Variants in FAM120A observed in about 807,000 individuals in gnomAD.
FAM120A encodes the protein constitutive coactivator of PPAR-gamma-like protein 1.
A neutral mutation model predicts 109.7 loss-of-function variants in FAM120A; 15 were observed. That is an observed-to-expected ratio of 0.14 (90% CI 0.09 to 0.21). The LOEUF is 0.21. FAM120A is among the 10% of genes least tolerant of loss of function. FAM120A has a pLI of 1.00. For synonymous variants in FAM120A, 493 were observed against 572.8 expected (o/e 0.86, Z 1.99); for missense variants, 899 against 1,439.3 (o/e 0.62, Z 6.07).
chr9:93,457,802 C>CT (rs34188475), intron 1 of FAM120A, among the ~76,000 whole-genome samples: 8,835 of 146,046 alleles, frequency 0.06, 286 homozygotes, highest in Non-Finnish European at 0.076. Flanking sequence ...AAATCTCTTC[C>CT]TTTTTTTTTT....
intron 10 of FAM120A, among the ~76,000 whole-genome samples, chr9:93,538,315 A>G (rs3813388): frequency 0.28 from 42,422 of 151,986 alleles, 6,983 homozygotes; most frequent in East Asian, 0.42. Flanking sequence ...GCCTGAGGAG[A>G]AGAACCCAAC....
At chr9:93,543,086 T>G in intron 10 of FAM120A, 136 bp from the exon 11 acceptor site, 1 of 1,081,988 alleles carries the variant, frequency 9.2e-7, no homozygotes, top group South Asian at 1.5e-5. Flanking sequence ...TGATTGGTAG[T>G]TTTGCTAAGG....
Position 93,470,144 on chromosome 9 carries a change from G to T in FAM120A, c.475-997G>T, listed in dbSNP as rs576622323. 8.5e-5 allele frequency among the ~76,000 whole-genome samples: 13 copies of T among 152,296 alleles called. No individual in the cohort carries two copies. In the South Asian group the frequency reaches 2.7e-3, roughly 32 times the overall value. On this transcript the variant is annotated intron_variant, in intron 1 of 17. Coordinates refer to ENST00000277165, the MANE Select transcript of FAM120A (RefSeq NM_014612.5). ...CATTTTTCTCCTCCAAGGCCCTGTGGAGAGTTAATACTCCATTGTTATTGG... is the reference window on the plus strand; with the variant it reads ...CATTTTTCTCCTCCAAGGCCCTGTGTAGAGTTAATACTCCATTGTTATTGG...
intron 3 of FAM120A, among the ~76,000 whole-genome samples, chr9:93,480,750 A>G (rs1397670160): frequency 6.6e-6 from 1 of 152,276 alleles, no homozygotes; most frequent in African/African-American, 2.4e-5. Context: ...AGGAAAATAC[A>G]TTGAATATCC....
chr9:93,499,525 C>G (rs996511399), intron 5 of FAM120A, among the ~76,000 whole-genome samples: 5 of 151,942 alleles, frequency 3.3e-5, no homozygotes, highest in African/African-American at 1.2e-4. Context: ...TAGCCTCAAG[C>G]GATCTGCCCA....
chr9:93,455,087 A>C (rs757070867), intron 1 of FAM120A, among the ~76,000 whole-genome samples: 1 of 152,246 alleles, frequency 6.6e-6, no homozygotes, highest in Non-Finnish European at 1.5e-5. Flanking sequence ...CTGGTACTCA[A>C]ATGTCCATAG....
In FAM120A at chr9:93,458,281, C is replaced by T. The variant is rs1376767235; in HGVS notation, c.474+5892C>T. Among the ~76,000 whole-genome samples the T allele has an allele frequency of 1.3e-3, 197 of 151,858 alleles. 1 individual carries two copies. The highest frequency in any genetic ancestry group is 1.8e-4 in the Non-Finnish European group (12 of 67,972). On this transcript the variant is annotated intron_variant, in intron 1 of 17. Coordinates refer to ENST00000277165, the MANE Select transcript of FAM120A (RefSeq NM_014612.5). ...TTTAACACTTCTGAACGCTGTGTCC[C>T]TGTCACTCCTTGCCGCTCCCACCGT...
intron 15 of FAM120A, among the ~76,000 whole-genome samples, chr9:93,560,902 C>G (rs1022714963): frequency 3.5e-4 from 54 of 152,360 alleles, no homozygotes; most frequent in African/African-American, 1.2e-3. Context: ...TAACCTAATT[C>G]AGTTCTCATG....
chr9:93,519,313 C>T (rs1222778578), intron 7 of FAM120A, among the ~76,000 whole-genome samples: 1 of 152,066 alleles, frequency 6.6e-6, no homozygotes, highest in African/African-American at 2.4e-5. Flanking sequence ...ATGATCTCGG[C>T]TAACTGCAAC....
At position 93,497,601 on chromosome 9, in the gene FAM120A, TAAA is replaced by T; in HGVS notation, c.933+11_933+13del. 1 of 1,317,142 alleles carries T rather than the reference TAAA, an allele frequency of 7.6e-7. No individual in the cohort carries two copies. The highest frequency in any genetic ancestry group is 2.3e-5 in the Admixed American group (1 of 44,380). 81.6% of individuals were successfully genotyped at this position (1,317,142 alleles called of 1,614,324 possible). On this transcript the variant is annotated splice_donor_5th_base_variant and intron_variant, in intron 4 of 17. Transcript: ENST00000277165. Reference sequence around the variant, plus strand: ...AAAGATGTTTTCCAGCATTCACAGGTAAAAAAAAAAACAAACAAAACAAAAAAA... The same window carrying T: ...AAAGATGTTTTCCAGCATTCACAGGTAAAAAAAACAAACAAAACAAAAAAA...
intron 5 of FAM120A, among the ~76,000 whole-genome samples, chr9:93,501,338 T>C (rs1859791363): frequency 6.6e-6 from 1 of 152,160 alleles, no homozygotes; most frequent in South Asian, 2.1e-4. Flanking sequence ...GCAAGGTGAG[T>C]TAAGTTTGAA....
At chr9:93,461,009 A>G (rs2131214614) in intron 1 of FAM120A, among the ~76,000 whole-genome samples, 1 of 152,282 alleles carries the variant, frequency 6.6e-6, no homozygotes, top group South Asian at 2.1e-4. Context: ...TGGCTTTATC[A>G]CACATTGTTT....
At chr9:93,471,686 A>G (rs998388182) in intron 2 of FAM120A, among the ~76,000 whole-genome samples, 1 of 152,250 alleles carries the variant, frequency 6.6e-6, no homozygotes, top group Non-Finnish European at 1.5e-5. Context: ...ACAGATGTCA[A>G]CACATGGTCA....
chr9:93,564,691 G>C lies in FAM120A; in HGVS notation c.*151G>C. On this transcript the variant is annotated 3_prime_UTR_variant, in exon 18 of 18. Coordinates refer to ENST00000277165, the MANE Select transcript of FAM120A (RefSeq NM_014612.5). ...ATTCAGATCCCTCTTTGATATCAGAGATTTAAACAACACATTTTTAGTTTT... is the reference window on the plus strand; with the variant it reads ...ATTCAGATCCCTCTTTGATATCAGACATTTAAACAACACATTTTTAGTTTT... 1.7e-6 allele frequency: 1 copy of C among 580,720 alleles called. No homozygotes were observed. Among genetic ancestry groups the C allele is most frequent in the East Asian group, 2.9e-5 (1 of 33,924 alleles). 36.0% of individuals were successfully genotyped at this position (580,720 alleles called of 1,614,324 possible). A position where few individuals can be genotyped will look rare whatever the true frequency, so the allele number is the denominator to read the frequency against.
intron 2 of FAM120A, among the ~76,000 whole-genome samples, chr9:93,474,499 C>T (rs893648270): frequency 1.3e-5 from 2 of 152,076 alleles, no homozygotes; most frequent in East Asian, 3.9e-4. Flanking sequence ...AGTATTTCAC[C>T]CCCCAATTTT....
chr9:93,460,156 A>G lies in FAM120A; in HGVS notation c.474+7767A>G, dbSNP rs1269207017. On this transcript the variant is annotated intron_variant, in intron 1 of 17. Transcript: ENST00000277165. ...TTCCAACCTTAATAAGCACTACACC[A>G]TAGGAATAAATGTCAAATATCGCGT... Among the ~76,000 whole-genome samples, 7 of 152,326 alleles carry G rather than the reference A, an allele frequency of 4.6e-5. No homozygotes were observed. In the East Asian group the frequency reaches 7.7e-4, roughly 17 times the overall value.
At position 93,565,704 on chromosome 9, in the gene FAM120A, A is replaced by C. The variant is rs1214354920; in HGVS notation, c.*1164A>C. The C allele has an allele frequency of 6.6e-6, 1 of 152,182 alleles. No individual in the cohort carries two copies. The highest frequency in any genetic ancestry group is 1.5e-5 in the Non-Finnish European group (1 of 67,922). The allele number at this position is 152,182 out of a possible 1,614,324, so 9.4% of individuals were successfully genotyped here. A position where few individuals can be genotyped will look rare whatever the true frequency, so the allele number is the denominator to read the frequency against. On this transcript the variant is annotated 3_prime_UTR_variant, in exon 18 of 18. Coordinates refer to ENST00000277165, the MANE Select transcript of FAM120A (RefSeq NM_014612.5). ...AAAACCCTTTGATCTTAAAAAAAAA[A>C]AAACCACCCCCCCCTTCTGTAGCAG...
rs183939707 is a variant in FAM120A, at chr9:93,478,949, G to T, written c.804+2611G>T. Among the ~76,000 whole-genome samples, 400 of 152,218 alleles carry T rather than the reference G, an allele frequency of 2.6e-3. 1 individual carries two copies. Among genetic ancestry groups the T allele is most frequent in the African/African-American group, 9.1e-3 (378 of 41,538 alleles). ...ATTTTAGTCTCTTTGTTTTTCCCCAGTTGTAAAACCAATTGCATCTTTTGA... is the reference window on the plus strand; with the variant it reads ...ATTTTAGTCTCTTTGTTTTTCCCCATTTGTAAAACCAATTGCATCTTTTGA... On this transcript the variant is annotated intron_variant, in intron 3 of 17. Transcript: ENST00000277165.
intron 9 of FAM120A, chr9:93,530,029 C>G (rs1861267665): frequency 3.6e-6 from 1 of 280,990 alleles, no homozygotes; most frequent in Admixed American, 4.9e-5. Flanking sequence ...TGTGTTTTGA[C>G]TTGTTCATGA....
Sources: allele counts gnomAD v4.1 joint callset (sites outside exome capture counted in the v4.1 genomes callset), GRCh38; gene constraint gnomAD v4.1.1; transcripts MANE v1.5; gene names NCBI Gene and HGNC (gene_info 2026-07-23, HGNC 2026-07-21).